Variants in DCAF6 observed in about 807,000 individuals in gnomAD.
The protein encoded by DCAF6 is DDB1 and CUL4 associated factor 6, also known as DDB1- and CUL4-associated factor 6.
A neutral mutation model predicts 125.1 loss-of-function variants in DCAF6; 54 were observed. The observed-to-expected ratio is 0.43, with a 90% CI of 0.35 to 0.54. DCAF6 has a LOEUF of 0.54. Among genes scored for constraint, DCAF6 ranks in the 20% least tolerant of loss-of-function variants. The pLI, the probability that DCAF6 is intolerant of heterozygous loss-of-function variation, is 0.01. For missense variants in DCAF6, 934 were observed against 1,161.7 expected (o/e 0.80, Z 2.85); for synonymous variants, 371 against 390.4 (o/e 0.95, Z 0.58).
intron 1 of DCAF6, among the ~76,000 whole-genome samples, chr1:167,944,129 A>C (rs1366505031): frequency 6.6e-6 from 1 of 152,174 alleles, no homozygotes; most frequent in Non-Finnish European, 1.5e-5. Flanking sequence ...GGGGTGAGCC[A>C]CCACGCCCAG....
chr1:167,883,091 G>A, the DCAF6 span, among the ~76,000 whole-genome samples: 9 of 152,224 alleles, frequency 5.9e-5, no homozygotes, highest in East Asian at 1.5e-3. Context: ...AGGCTGGAGC[G>A]CAGTGGTGCG....
the DCAF6 span, chr1:167,899,682 G>T: frequency 1.3e-6 from 2 of 1,562,116 alleles, no homozygotes; most frequent in Non-Finnish European, 1.8e-6. Context: ...TTATTTCCCA[G>T]CAGCACAGGT....
intron 12 of DCAF6, chr1:168,023,374 T>G (rs1381201295): frequency 2.6e-6 from 1 of 387,316 alleles, no homozygotes; most frequent in Non-Finnish European, 4.7e-6. Context: ...ACTGTGGGTG[T>G]GAGGTTAATA....
intron 12 of DCAF6, among the ~76,000 whole-genome samples, chr1:168,025,875 A>G (rs1686274047): frequency 6.6e-6 from 1 of 152,226 alleles, no homozygotes; most frequent in Admixed American, 6.5e-5. Flanking sequence ...CTTGGCTTAC[A>G]AAACCTACAT....
At chr1:167,966,892 G>A (rs1676498373) in intron 3 of DCAF6, among the ~76,000 whole-genome samples, 171 bp downstream of exon 3, 2 of 152,106 alleles carry the variant, frequency 1.3e-5, no homozygotes, top group African/African-American at 4.8e-5. Flanking sequence ...GGGTCTCTTA[G>A]ATTACTTAGG....
chr1:167,913,563 A>G, the DCAF6 span, among the ~76,000 whole-genome samples: 8 of 152,110 alleles, frequency 5.3e-5, no homozygotes, highest in African/African-American at 9.7e-5. Context: ...TTATCTTTTG[A>G]ATTGCTTCTA....
Position 167,938,532 on chromosome 1 carries a change from G to A in DCAF6, c.97+1524G>A, listed in dbSNP as rs374335718. On this transcript the variant is annotated intron_variant, in intron 1 of 21. Coordinates refer to ENST00000367840, the MANE Select transcript of DCAF6 (RefSeq NM_001198956.2). ...ATTTGTTGTAGGATAAGTACCTAGA[G>A]TGGTGATTAATCATTTTAAAATTGA... Among the ~76,000 whole-genome samples the A allele has an allele frequency of 4.6e-5, 7 of 152,328 alleles. No individual in the cohort carries two copies. In the East Asian group the frequency reaches 1.2e-3, roughly 25 times the overall value.
chr1:167,970,767 A>G (rs1009308732), intron 3 of DCAF6, among the ~76,000 whole-genome samples: 2 of 152,140 alleles, frequency 1.3e-5, no homozygotes, highest in East Asian at 1.9e-4. Flanking sequence ...TTTAGATCCT[A>G]TGATTTTGTG....
At position 168,015,943 on chromosome 1, in the gene DCAF6, A is replaced by G; in HGVS notation, c.1541A>G (p.His514Arg). 2.0e-6 allele frequency: 3 copies of G among 1,493,844 alleles called. No individual in the cohort carries two copies. The highest frequency in any genetic ancestry group is 2.7e-6 in the Non-Finnish European group (3 of 1,119,126). 92.5% of individuals were successfully genotyped at this position (1,493,844 alleles called of 1,614,324 possible). The change falls in exon 11 of 22, where the codon CAT becomes CGT. Residue 514 changes from histidine (H) to arginine (R), a missense_variant. This residue lies in a region of DCAF6 where 559 missense variants were observed against 635.5 expected (regional missense o/e 0.88). Transcript: ENST00000367840. ...SSHEGSSQDP[H>R]ASDSPSSVVN... ...CATGAGGGCTCTTCACAGGACCCTC[A>G]TGCTTCAGGTTATTAATGTCAAGTG...
chr1:167,949,630 A>C (rs1437437235), intron 1 of DCAF6, among the ~76,000 whole-genome samples: 1 of 152,232 alleles, frequency 6.6e-6, no homozygotes, highest in Non-Finnish European at 1.5e-5. Flanking sequence ...CCTGAAGCTC[A>C]TACTGCTTGC....
upstream of DCAF6, among the ~76,000 whole-genome samples, chr1:167,935,041 T>C (rs776065626): frequency 3.9e-5 from 6 of 152,204 alleles, no homozygotes; most frequent in Non-Finnish European, 7.3e-5. Flanking sequence ...GTCATTCTCA[T>C]AGACCGCGTA....
intron 1 of DCAF6, among the ~76,000 whole-genome samples, chr1:167,945,591 A>C (rs1014025203): frequency 6.6e-6 from 1 of 152,120 alleles, no homozygotes; most frequent in Non-Finnish European, 1.5e-5. Flanking sequence ...TCCCAGGTTC[A>C]AGCACTTCTC....
chr1:168,035,439 T>G (rs1353620898), intron 12 of DCAF6, among the ~76,000 whole-genome samples: 2 of 152,132 alleles, frequency 1.3e-5, no homozygotes, highest in African/African-American at 4.8e-5. Context: ...GGAGTGAGAC[T>G]CTGTCTCAAA....
chr1:167,881,600 T>A, the DCAF6 span, among the ~76,000 whole-genome samples: 3 of 152,192 alleles, frequency 2.0e-5, no homozygotes, highest in African/African-American at 4.8e-5. Flanking sequence ...CCCCTAGCAA[T>A]GGAATGACAG....
intron 12 of DCAF6, among the ~76,000 whole-genome samples, chr1:168,035,002 A>T (rs1687610568): frequency 1.3e-5 from 2 of 152,224 alleles, no homozygotes; most frequent in African/African-American, 2.4e-5. Context: ...CAAAGAGTGA[A>T]TGCATTCATT....
the DCAF6 span, among the ~76,000 whole-genome samples, chr1:167,868,279 G>A: frequency 4.6e-5 from 7 of 152,144 alleles, no homozygotes. Flanking sequence ...CCGAGAATTA[G>A]TGCCTACAGA....
At chr1:168,056,391 G>C (rs1459764408) in intron 17 of DCAF6, 1 of 1,472,972 alleles carries the variant, frequency 6.8e-7, no homozygotes, top group African/African-American at 1.5e-5. Flanking sequence ...GCAGAGCAGG[G>C]CCCGCACGCT....
the DCAF6 span, among the ~76,000 whole-genome samples, chr1:167,873,580 T>C: frequency 6.6e-6 from 1 of 152,214 alleles, no homozygotes; most frequent in Admixed American, 6.5e-5. Context: ...TCAATCTTCT[T>C]TGGGTCTCTT....
At chr1:167,985,412 C>T (rs1305833742) in intron 4 of DCAF6, among the ~76,000 whole-genome samples, 2 of 152,088 alleles carry the variant, frequency 1.3e-5, no homozygotes, top group Admixed American at 6.6e-5. Context: ...GAGCAAGTCC[C>T]CTTCCTCTAT....
Sources: gnomAD v4.1 joint callset for allele counts (sites outside exome capture counted in the v4.1 genomes callset) on GRCh38, gnomAD v4.1.1 for gene constraint, gnomAD v4.1.1 regional missense constraint, MANE v1.5 for transcripts, NCBI Gene and HGNC (gene_info 2026-07-23, HGNC 2026-07-21) for gene names.